Variants in ANK1 observed in about 807,000 individuals in gnomAD.
The protein encoded by ANK1 is ankyrin 1.
Under a neutral mutation model 210.4 loss-of-function variants are expected in ANK1, and 51 were observed. That is an observed-to-expected ratio of 0.24 (90% CI 0.19 to 0.31). The LOEUF (loss-of-function observed/expected upper bound fraction) is 0.31. Ranked by LOEUF, ANK1 falls within the 10% of genes least tolerant of loss-of-function variation. ANK1 has a pLI of 1.00. For missense variants in ANK1, 2,051 were observed against 2,504.4 expected (o/e 0.82, Z 3.86); for synonymous variants, 967 against 1,025.9 (o/e 0.94, Z 1.10).
At chr8:41,777,942 A>T (rs558478159) in intron 1 of ANK1, among the ~76,000 whole-genome samples, 1 of 152,210 alleles carries the variant, frequency 6.6e-6, no homozygotes, top group African/African-American at 2.4e-5. Flanking sequence ...ATAAGATACC[A>T]AGATGCCAAT....
rs550563510 is a variant in ANK1 at position 41,812,831 on chromosome 8, TG to T, written c.127-54695del. 1.2e-3 allele frequency among the ~76,000 whole-genome samples: 176 copies of T among 152,218 alleles called. No individual in the cohort carries two copies. In the Middle Eastern group the frequency reaches 0.014, roughly 12 times the overall value. On this transcript the variant is annotated intron_variant, in intron 1 of 42. Coordinates refer to the ANK1 transcript ENST00000265709. ...GATCCCTCTCATGCACAGCTCACAA[TG>T]GGGTTAACACTCCTATGAGAATCTG...
intron 1 of ANK1, among the ~76,000 whole-genome samples, chr8:41,860,561 T>C (rs1437934347): frequency 6.6e-6 from 1 of 152,132 alleles, no homozygotes; most frequent in Non-Finnish European, 1.5e-5. Context: ...GCGGGCTACT[T>C]AACCTCTCTG....
intron 3 of ANK1, 36 bp downstream of exon 3, chr8:41,733,935 T>C: frequency 6.3e-7 from 1 of 1,583,724 alleles, no homozygotes; most frequent in Non-Finnish European, 8.7e-7. Context: ...ACTTGAATTT[T>C]CAATGCAAAG....
In ANK1 at chr8:41,706,170, G is replaced by C; in HGVS notation, c.2070C>G (p.His690Gln). The C allele has an allele frequency of 6.2e-7, 1 of 1,614,068 alleles. No homozygotes were observed. Among genetic ancestry groups the C allele is most frequent in the Non-Finnish European group, 8.5e-7 (1 of 1,179,930 alleles). ...HVPVADVLIK[H>Q]GVMVDATTRM... Reference sequence around the variant, plus strand: ...GGGTGGTGGCGTCCACCATGACGCCGTGTTTGATCAGCACATCTGCCACTG... The same window carrying C: ...GGGTGGTGGCGTCCACCATGACGCCCTGTTTGATCAGCACATCTGCCACTG... The change falls in exon 18 of 43, where the codon CAC becomes CAG. Residue 690 changes from histidine to glutamine, a missense_variant. Physicochemically the swap from His to Gln is conservative, Grantham distance 24. Transcript: ENST00000289734.
chr8:41,705,145 G>A (rs892187315), intron 18 of ANK1, among the ~76,000 whole-genome samples: 1 of 152,238 alleles, frequency 6.6e-6, no homozygotes, highest in African/African-American at 2.4e-5. Context: ...GAATTTTGTG[G>A]TAATGCCTTC....
At chr8:41,785,801 G>A (rs1244261788) in intron 1 of ANK1, among the ~76,000 whole-genome samples, 1 of 152,162 alleles carries the variant, frequency 6.6e-6, no homozygotes, top group Non-Finnish European at 1.5e-5. Context: ...GCTCAGAGCC[G>A]TCCATTGCTC....
chr8:41,696,857 C>A (rs548397036), intron 24 of ANK1, 84 bp from the exon 25 acceptor site: 200 of 1,330,630 alleles, frequency 1.5e-4, no homozygotes, highest in Admixed American at 5.3e-4. Context: ...CTTGGAAGAA[C>A]CTTGCCGCTA....
chr8:41,842,418 A>T (rs886584632), intron 1 of ANK1, among the ~76,000 whole-genome samples: 1 of 152,050 alleles, frequency 6.6e-6, no homozygotes, highest in Middle Eastern at 3.2e-3. Context: ...ACTTGAACCC[A>T]GGAGGCGGAG....
At position 41,698,149 on chromosome 8, in the gene ANK1, C is replaced by G. The variant is rs748750967; in HGVS notation, c.2559-28G>C. The stretch of plus-strand genomic sequence containing the variant: ...GCGTGCCAAGAACACCAGAACATCA[C>G]AGGGCTGATCCACATGTGCACACAG... On this transcript the variant is annotated intron_variant, in intron 23 of 42. Coordinates refer to ENST00000289734, the MANE Select transcript of ANK1 (RefSeq NM_000037.4). 2.5e-6 allele frequency: 4 copies of G among 1,611,036 alleles called. No homozygotes were observed. In the East Asian group the frequency reaches 6.7e-5, roughly 27 times the overall value.
chr8:41,834,985 T>C (rs554820811), intron 1 of ANK1, among the ~76,000 whole-genome samples: 49 of 152,320 alleles, frequency 3.2e-4, no homozygotes, highest in South Asian at 2.1e-3. Context: ...AGAATGGACA[T>C]CATCCTGCCC....
chr8:41,723,529 AC>A lies in ANK1; in HGVS notation c.810+5del. ...CTGCCTGGCTACAGCACCTGCTGGC[AC>A]CCACCTTGGTCTTGGTTTCTATCTG... On this transcript the variant is annotated splice_donor_5th_base_variant and intron_variant, in intron 8 of 42. Transcript: ENST00000289734. The A allele has an allele frequency of 6.2e-7, 1 of 1,613,986 alleles. No homozygotes were observed. The highest frequency in any genetic ancestry group is 8.5e-7 in the Non-Finnish European group (1 of 1,179,988).
At position 41,692,628 on chromosome 8, in the gene ANK1, G is replaced by A; in HGVS notation, c.3858+20C>T. 6.2e-7 allele frequency: 1 copy of A among 1,604,582 alleles called. No individual in the cohort carries two copies. Among genetic ancestry groups the A allele is most frequent in the Non-Finnish European group, 8.5e-7 (1 of 1,173,186 alleles). On this transcript the variant is annotated intron_variant, in intron 31 of 42. Transcript: ENST00000289734. ...CAGGACGGTTTGTCCCAGAGGCGGT[G>A]CAGGGCCCAGCCCTGTTACCTCTAT... is the stretch of plus-strand genomic sequence containing the variant.
At chr8:41,858,288 G>A (rs1005718550) in intron 1 of ANK1, among the ~76,000 whole-genome samples, 1 of 150,674 alleles carries the variant, frequency 6.6e-6, no homozygotes, top group Non-Finnish European at 1.5e-5. Flanking sequence ...GCAGTGGTTG[G>A]AGTGAGCCAA....
In ANK1 at chr8:41,663,718, C is replaced by T; in HGVS notation, c.5419G>A (p.Gly1807Arg). 1 of 1,613,990 alleles carries T rather than the reference C, an allele frequency of 6.2e-7. No homozygotes were observed. The highest frequency in any genetic ancestry group is 8.5e-7 in the Non-Finnish European group (1 of 1,179,852). Residue 1807 changes from glycine to arginine, a missense_variant, in exon 40 of 43, where the codon GGG becomes AGG. Transcript: ENST00000289734. ...AATTGCTCCTCTGTCACCTGCTCCC[C>T]TGGAATATTCTGAAACTCATTCCCC... is the stretch of plus-strand genomic sequence containing the variant. The part of the protein sequence containing the change: ...VQGNEFQNIP[G>R]EQVTEEQFTD...
At chr8:41,828,872 TGCGC>T (rs1053941983) in intron 1 of ANK1, 24 of 152,370 alleles carry the variant, frequency 1.6e-4, no homozygotes, top group African/African-American at 5.8e-4. Context: ...TCCCGAAAAC[TGCGC>T]GGCAAAGGCG....
Position 41,655,704 on chromosome 8 carries a change from G to A in ANK1, c.*86C>T. ...CCCTCAGGTCCAGCTCTCCTCCTGTGTGCATGGCAGAGTGTGTGGGGTTCA... is the reference window on the plus strand; with the variant it reads ...CCCTCAGGTCCAGCTCTCCTCCTGTATGCATGGCAGAGTGTGTGGGGTTCA... On this transcript the variant is annotated 3_prime_UTR_variant, in exon 43 of 43. Transcript: ENST00000289734. 1 of 1,613,700 alleles carries A rather than the reference G, an allele frequency of 6.2e-7. No homozygotes were observed. The highest frequency in any genetic ancestry group is 8.5e-7 in the Non-Finnish European group (1 of 1,179,652).
intron 2 of ANK1, among the ~76,000 whole-genome samples, chr8:41,743,343 A>C (rs1291852433): frequency 1.3e-5 from 2 of 152,252 alleles, no homozygotes; most frequent in African/African-American, 4.8e-5. Context: ...ACGGCATGAT[A>C]GTTTGTCTAG....
intron 2 of ANK1, among the ~76,000 whole-genome samples, chr8:41,749,859 G>A (rs372082922): frequency 4.4e-4 from 67 of 152,216 alleles, no homozygotes; most frequent in Middle Eastern, 3.4e-3. Flanking sequence ...TGATCTGCCC[G>A]CCTCGGCTTC....
chr8:41,692,850 G>A lies in ANK1; in HGVS notation c.3656C>T (p.Thr1219Ile), dbSNP rs1446700537. ...GGTGGCAAAGTTCACAGCCTCAGCA[G>A]TCCGAGGACAGTCCGACAGCCAAAA... ...ARFWLSDCPR[T>I]AEAVNFATLL... The change falls in exon 31 of 43, where the codon ACT becomes ATT. Residue 1219 changes from threonine (T) to isoleucine (I), a missense_variant. Coordinates refer to ENST00000289734, the MANE Select transcript of ANK1 (RefSeq NM_000037.4). The A allele has an allele frequency of 1.2e-6, 2 of 1,613,912 alleles. No individual in the cohort carries two copies. Among genetic ancestry groups the A allele is most frequent in the Non-Finnish European group, 1.7e-6 (2 of 1,180,030 alleles).
Sources: gnomAD v4.1 joint callset for allele counts (sites outside exome capture counted in the v4.1 genomes callset) on GRCh38, gnomAD v4.1.1 for gene constraint, MANE v1.5 for transcripts, NCBI Gene and HGNC (gene_info 2026-07-23, HGNC 2026-07-21) for gene names.